The following GMEB1 variants were observed in gnomAD, a reference collection of about 807,000 sequenced individuals.
The protein encoded by GMEB1 is glucocorticoid modulatory element binding protein 1, also known as glucocorticoid modulatory element-binding protein 1.
Under a neutral mutation model 52.4 loss-of-function variants are expected in GMEB1, and 6 were observed. The observed-to-expected ratio is 0.11, with a 90% confidence interval of 0.06 to 0.23. GMEB1 has a LOEUF of 0.23. Among genes scored for constraint, GMEB1 ranks in the 10% least tolerant of loss-of-function variants. The pLI, the probability that GMEB1 is intolerant of heterozygous loss-of-function variation, is 1.00. For synonymous variants in GMEB1, 255 were observed against 244.9 expected, an observed-to-expected ratio of 1.04 and a Z score of -0.38; for missense variants, 486 against 685.6, an observed-to-expected ratio of 0.71 and a Z score of 3.25.
At chr1:28,704,357 G>C in intron 8 of GMEB1, 28 bp downstream of exon 8, 1 of 1,594,664 alleles carries the variant, frequency 6.3e-7, no homozygotes, top group Non-Finnish European at 8.5e-7. Context: ...AACAGTAGCA[G>C]TGATTTATTG....
intron 5 of GMEB1, among the ~76,000 whole-genome samples, chr1:28,694,512 G>A (rs1415383347): frequency 1.6e-5 from 2 of 127,782 alleles, no homozygotes; most frequent in African/African-American, 2.6e-5. Context: ...TTTAAAAAGA[G>A]CAATTGAAAA....
In GMEB1 at chr1:28,690,131, C is replaced by T; in HGVS notation, c.156C>T (p.Asn52=). ...QGIYEAGSEN[N]TAVVAVETHT... ...TTTATGAAGCTGGGTCGGAGAACAA[C>T]ACGGCAGTTGTAGCAGTAGAAACTC... The change falls in exon 3 of 10, where the codon AAC becomes AAT. Residue 52 remains asparagine (N), a synonymous_variant. Transcript: ENST00000373816. 2 of 1,602,154 alleles carry T rather than the reference C, an allele frequency of 1.2e-6. No individual in the cohort carries two copies. Among genetic ancestry groups the T allele is most frequent in the Non-Finnish European group, 1.7e-6 (2 of 1,173,768 alleles).
intron 3 of GMEB1, 123 bp downstream of exon 3, chr1:28,690,309 C>T (rs1473695063): frequency 3.5e-6 from 2 of 574,032 alleles, no homozygotes; most frequent in Admixed American, 3.5e-5. Flanking sequence ...TCCCTGTGTG[C>T]CCTACCAGTA....
intron 1 of GMEB1, among the ~76,000 whole-genome samples, chr1:28,676,649 C>G (rs998331082): frequency 1.3e-5 from 2 of 151,818 alleles, no homozygotes; most frequent in Non-Finnish European, 2.9e-5. Flanking sequence ...TGGCATGAAC[C>G]CGGAGGCGGA....
Position 28,683,373 on chromosome 1 carries a change from G to A in GMEB1, c.-30-210G>A, listed in dbSNP as rs552582671. On this transcript the variant is annotated intron_variant, in intron 1 of 9. Coordinates refer to ENST00000373816, the MANE Select transcript of GMEB1 (RefSeq NM_001319674.2). ...CCTGAGTAGAGGGGATTACAGATAC[G>A]CTCCACCACGTACCCGGTTAATTTT... 2.0e-5 allele frequency among the ~76,000 whole-genome samples: 3 copies of A among 152,032 alleles called. No individual in the cohort carries two copies. In the South Asian group the frequency reaches 6.2e-4, roughly 32 times the overall value.
chr1:28,668,585 T>C (rs1016198717), upstream of GMEB1: 5 of 152,710 alleles, frequency 3.3e-5, no homozygotes, highest in Admixed American at 2.6e-4. Flanking sequence ...TCTAGCGACC[T>C]TTCCAACACT....
intron 3 of GMEB1, among the ~76,000 whole-genome samples, chr1:28,690,662 C>A (rs1293954954): frequency 6.6e-6 from 1 of 152,048 alleles, no homozygotes; most frequent in Non-Finnish European, 1.5e-5. Flanking sequence ...CATTTAACAC[C>A]TAGGAAACAA....
rs1671275024 is a variant in GMEB1 at position 28,716,427 on chromosome 1, G to C, written c.*1654G>C. ...CTCATTTGGTGCTTCCTCTTGTTCT[G>C]CCCTCCATCCCTCAACTCTTAATGG... On this transcript the variant is annotated 3_prime_UTR_variant, in exon 10 of 10. Coordinates refer to ENST00000373816, the MANE Select transcript of GMEB1 (RefSeq NM_001319674.2). 6.6e-6 allele frequency: 1 copy of C among 152,030 alleles called. No individual in the cohort carries two copies. The highest frequency in any genetic ancestry group is 1.5e-5 in the Non-Finnish European group (1 of 68,020). 9.4% of individuals were successfully genotyped at this position (152,030 alleles called of 1,614,324 possible).
At chr1:28,671,870 A>C (rs998838816) in intron 1 of GMEB1, among the ~76,000 whole-genome samples, 5 of 152,050 alleles carry the variant, frequency 3.3e-5, no homozygotes, top group Non-Finnish European at 5.9e-5. Context: ...TAATCCCAGC[A>C]CTTTGGGAGG....
chr1:28,693,094 T>C, intron 5 of GMEB1, 49 bp downstream of exon 5: 1 of 880,698 alleles, frequency 1.1e-6, no homozygotes. Context: ...TTGGGGCACA[T>C]AATCATGCTA....
chr1:28,673,927 C>T (rs879428565), intron 1 of GMEB1, among the ~76,000 whole-genome samples: 6 of 151,928 alleles, frequency 3.9e-5, no homozygotes, highest in Middle Eastern at 3.2e-3. Context: ...GTGGGTGGAT[C>T]ACGAGGTCAG....
chr1:28,707,564 C>A (rs924254864), intron 8 of GMEB1, among the ~76,000 whole-genome samples: 1 of 152,070 alleles, frequency 6.6e-6, no homozygotes, highest in Non-Finnish European at 1.5e-5. Flanking sequence ...AAGAAAGATA[C>A]CGGGATGATT....
chr1:28,702,656 A>G (rs1467587715), intron 7 of GMEB1, 87 bp downstream of exon 7: 23 of 1,231,472 alleles, frequency 1.9e-5, no homozygotes, highest in Non-Finnish European at 2.5e-5. Flanking sequence ...CCTCTTAATT[A>G]CTTTCGCTGG....
chr1:28,690,667 A>G lies in GMEB1; in HGVS notation c.211+481A>G, dbSNP rs145613692. Among the ~76,000 whole-genome samples, 556 of 152,284 alleles carry G rather than the reference A, an allele frequency of 3.7e-3. 7 individuals carry two copies. The highest frequency in any genetic ancestry group is 0.013 in the African/African-American group (532 of 41,572). On this transcript the variant is annotated intron_variant, in intron 3 of 9. Coordinates refer to ENST00000373816, the MANE Select transcript of GMEB1 (RefSeq NM_001319674.2). ...CATATACTTACATTTAACACCTAGGAAACAATTAATTAATTAATTTAAAAA... is the reference window on the plus strand; with the variant it reads ...CATATACTTACATTTAACACCTAGGGAACAATTAATTAATTAATTTAAAAA...
At chr1:28,681,355 G>A (rs1457704875) in intron 1 of GMEB1, among the ~76,000 whole-genome samples, 2 of 152,120 alleles carry the variant, frequency 1.3e-5, no homozygotes, top group African/African-American at 4.8e-5. Context: ...GCAACGGAGC[G>A]AGACCGCGTC....
At chr1:28,682,670 A>G (rs1311833363) in intron 1 of GMEB1, among the ~76,000 whole-genome samples, 1 of 151,326 alleles carries the variant, frequency 6.6e-6, no homozygotes, top group Non-Finnish European at 1.5e-5. Context: ...TGAATTCAGC[A>G]TTTATTAAGC....
intron 5 of GMEB1, among the ~76,000 whole-genome samples, chr1:28,695,130 A>T (rs1165062549): frequency 2.7e-5 from 4 of 147,176 alleles, no homozygotes; most frequent in Non-Finnish European, 6.0e-5. Flanking sequence ...ACACCCACTT[A>T]ATTTTCTTGT....
In GMEB1 at chr1:28,698,343, A is replaced by G. The variant is rs1289896223; in HGVS notation, c.598+1259A>G. Among the ~76,000 whole-genome samples the G allele has an allele frequency of 3.3e-5, 5 of 149,446 alleles. 1 individual carries two copies. The highest frequency in any genetic ancestry group is 4.9e-5 in the African/African-American group (2 of 40,442). ...CAGTGAGCCAAGATCATTCCACTGC[A>G]CTCTAACCTGGCAATAGAGCAAGAC... On this transcript the variant is annotated intron_variant, in intron 6 of 9. Transcript: ENST00000373816.
intron 9 of GMEB1, among the ~76,000 whole-genome samples, chr1:28,712,390 G>A (rs1045005524): frequency 6.6e-6 from 1 of 152,192 alleles, no homozygotes; most frequent in Admixed American, 6.5e-5. Flanking sequence ...TCAACCTACA[G>A]CCTCTCTCCA....
Sources: allele counts gnomAD v4.1 joint callset (sites outside exome capture counted in the v4.1 genomes callset), GRCh38; gene constraint gnomAD v4.1.1; transcripts MANE v1.5; gene names NCBI Gene and HGNC (gene_info 2026-07-23, HGNC 2026-07-21).